KCNMA1: variants seen among roughly 807,000 people sequenced by gnomAD.
KCNMA1 encodes the protein potassium calcium-activated channel subfamily M alpha 1.
In KCNMA1, 29 loss-of-function variants were observed where a neutral mutation model predicts 140.0. That is an observed-to-expected ratio of 0.21 (90% CI 0.15 to 0.28). The LOEUF (loss-of-function observed/expected upper bound fraction) is 0.28, where lower values mean the gene tolerates loss of function less well. Among genes scored for constraint, KCNMA1 ranks in the 10% least tolerant of loss-of-function variants. The pLI is 1.00. For missense variants in KCNMA1, 880 were observed against 1,602.2 expected (o/e 0.55, Z 7.70); for synonymous variants, 612 against 611.9 (o/e 1.00, Z 0.00).
chr10:77,519,461 C>A (rs369608240), intron 1 of KCNMA1, among the ~76,000 whole-genome samples: 2 of 152,066 alleles, frequency 1.3e-5, no homozygotes, highest in Non-Finnish European at 1.5e-5. Flanking sequence ...GTAGGACCCA[C>A]GTGTCAGTCA....
intron 2 of KCNMA1, among the ~76,000 whole-genome samples, chr10:77,330,394 TG>T (rs1274246503): frequency 1.3e-5 from 2 of 152,312 alleles, no homozygotes; most frequent in East Asian, 3.9e-4. Flanking sequence ...TCACACAAGC[TG>T]TGCAGATCAC....
chr10:77,271,734 A>T (rs958722675), intron 2 of KCNMA1, among the ~76,000 whole-genome samples: 2 of 152,150 alleles, frequency 1.3e-5, no homozygotes, highest in African/African-American at 4.8e-5. Context: ...GATGCAAAAA[A>T]AATCTCTCAT....
chr10:77,497,083 G>A (rs191159069), intron 1 of KCNMA1, among the ~76,000 whole-genome samples: 66 of 152,312 alleles, frequency 4.3e-4, no homozygotes, highest in Middle Eastern at 3.4e-3. Flanking sequence ...CTCAGAGAGC[G>A]AACTAACCAT....
intron 9 of KCNMA1, 153 bp from the exon 10 acceptor site, chr10:77,090,663 G>C: frequency 1.5e-6 from 1 of 663,420 alleles, no homozygotes; most frequent in Non-Finnish European, 2.7e-6. Flanking sequence ...TCCCCAGAGG[G>C]CAGTGAGGCA....
At chr10:77,445,089 C>G (rs146325455) in intron 1 of KCNMA1, among the ~76,000 whole-genome samples, 10 of 152,182 alleles carry the variant, frequency 6.6e-5, no homozygotes, top group African/African-American at 2.4e-4. Context: ...AGAATCCCAA[C>G]GGCAAGGACC....
chr10:76,966,628 C>A (rs561240608), intron 20 of KCNMA1, among the ~76,000 whole-genome samples: 2 of 152,176 alleles, frequency 1.3e-5, no homozygotes, highest in Admixed American at 1.3e-4. Flanking sequence ...AGGCACCACC[C>A]CACTAAGTAG....
intron 20 of KCNMA1, among the ~76,000 whole-genome samples, chr10:76,959,726 T>A (rs1182927932): frequency 6.6e-6 from 1 of 152,230 alleles, no homozygotes; most frequent in Non-Finnish European, 1.5e-5. Context: ...CTACTATTAA[T>A]ACTACTACTA....
At chr10:77,007,673 A>ATATATATATATATATATATG (rs201799760) in intron 18 of KCNMA1, among the ~76,000 whole-genome samples, 1 of 142,488 alleles carries the variant, frequency 7.0e-6, no homozygotes, top group African/African-American at 2.6e-5. Context: ...ATATATATAT[A>ATATATATATATATATATATG]TATGTATCAC....
intron 2 of KCNMA1, among the ~76,000 whole-genome samples, chr10:77,283,229 C>T (rs906908340): frequency 2.0e-5 from 3 of 152,212 alleles, no homozygotes; most frequent in African/African-American, 7.2e-5. Context: ...TTCACATACA[C>T]CTTCTTCTTT....
chr10:77,581,184 T>C (rs2075762679), intron 1 of KCNMA1, among the ~76,000 whole-genome samples: 1 of 152,170 alleles, frequency 6.6e-6, no homozygotes, highest in Admixed American at 6.5e-5. Context: ...ATGCAGGCAG[T>C]AGGACTCCAG....
chr10:77,533,967 C>G (rs1307922727), intron 1 of KCNMA1, among the ~76,000 whole-genome samples: 1 of 152,180 alleles, frequency 6.6e-6, no homozygotes, highest in African/African-American at 2.4e-5. Flanking sequence ...CTTGCTCCAT[C>G]TATGCCAAAG....
At chr10:77,258,518 C>T (rs10762753) in intron 2 of KCNMA1, among the ~76,000 whole-genome samples, 9,509 of 152,162 alleles carry the variant, frequency 0.062, 594 homozygotes, top group East Asian at 0.36. Context: ...TTTGAAAAGC[C>T]CATGTTTTTG....
chr10:77,592,609 G>A (rs1001288668), intron 1 of KCNMA1, among the ~76,000 whole-genome samples: 3 of 152,196 alleles, frequency 2.0e-5, no homozygotes, highest in African/African-American at 7.2e-5. Flanking sequence ...TCCTTAAATA[G>A]AGAAGTGACA....
chr10:77,392,828 C>T (rs1009419155), intron 2 of KCNMA1, among the ~76,000 whole-genome samples: 4 of 152,206 alleles, frequency 2.6e-5, no homozygotes, highest in Non-Finnish European at 5.9e-5. Flanking sequence ...TGCAGATGTG[C>T]CCTCCGAAAC....
chr10:77,153,426 C>G (rs1308621425), intron 5 of KCNMA1, among the ~76,000 whole-genome samples: 1 of 152,020 alleles, frequency 6.6e-6, no homozygotes, highest in Non-Finnish European at 1.5e-5. Flanking sequence ...GGCTGGAGTC[C>G]AGTGGCACCA....
intron 2 of KCNMA1, among the ~76,000 whole-genome samples, chr10:77,361,886 C>A (rs1481671444): frequency 6.6e-6 from 1 of 152,228 alleles, no homozygotes; most frequent in Non-Finnish European, 1.5e-5. Context: ...AGCCCAGGCA[C>A]CTCCTCAGCC....
At chr10:77,608,298 G>A (rs1254414807) in intron 1 of KCNMA1, among the ~76,000 whole-genome samples, 2 of 152,114 alleles carry the variant, frequency 1.3e-5, no homozygotes, top group Non-Finnish European at 2.9e-5. Flanking sequence ...TCAGCCTCAA[G>A]AGTAGCTGGG....
At chr10:77,225,395 G>A (rs1380870308) in intron 3 of KCNMA1, among the ~76,000 whole-genome samples, 1 of 152,110 alleles carries the variant, frequency 6.6e-6, no homozygotes, top group Admixed American at 6.5e-5. Context: ...GTGGAGAGGT[G>A]AAACATGACT....
At chr10:76,920,820 C>A (rs896959104) in intron 23 of KCNMA1, among the ~76,000 whole-genome samples, 2 of 152,154 alleles carry the variant, frequency 1.3e-5, no homozygotes, top group African/African-American at 4.8e-5. Context: ...AAGTCTGAGG[C>A]CTGAGCCAGT....
Sources: gnomAD v4.1 joint callset for allele counts (sites outside exome capture counted in the v4.1 genomes callset) on GRCh38, gnomAD v4.1.1 for gene constraint, MANE v1.5 for transcripts, NCBI Gene and HGNC (gene_info 2026-07-23, HGNC 2026-07-21) for gene names.